Variants in COL3A1 observed in about 807,000 individuals in gnomAD.
COL3A1 encodes collagen alpha-1(III) chain.
In COL3A1, 46 loss-of-function variants were observed where a neutral mutation model predicts 200.9. The observed-to-expected ratio is 0.23, with a 90% CI of 0.18 to 0.29. The LOEUF (loss-of-function observed/expected upper bound fraction) is 0.29. Ranked by LOEUF, COL3A1 falls within the 10% of genes least tolerant of loss-of-function variation. The probability of loss-of-function intolerance (pLI) is 1.00; values close to 1 mark genes in which losing one functional copy is unlikely to be tolerated. For missense variants in COL3A1, 1,367 were observed against 1,917.6 expected (o/e 0.71, Z 5.36); for synonymous variants, 650 against 628.0 (o/e 1.03, Z -0.52).
At chr2:189,005,302 T>C (rs780328681) in intron 40 of COL3A1, 48 bp from the exon 41 acceptor site, 24 of 1,481,166 alleles carry the variant, frequency 1.6e-5, no homozygotes, top group South Asian at 5.7e-5. Context: ...ACCATTTTAA[T>C]TGATTTCTTA....
In COL3A1 at chr2:189,006,181, A is replaced by T. The variant is rs760719109; in HGVS notation, c.3040-25A>T. On this transcript the variant is annotated intron_variant, in intron 41 of 50. Transcript: ENST00000304636. ...CATTTGGAAGGTTTCAAGAAATTTT[A>T]TTTCCTTTCTCATTTTTTAATCAGG... 2.5e-6 allele frequency: 4 copies of T among 1,612,962 alleles called. No individual in the cohort carries two copies. The East Asian group carries it at 8.9e-5, about 36-fold the overall frequency.
intron 29 of COL3A1, among the ~76,000 whole-genome samples, chr2:188,998,944 C>G (rs552384238): frequency 6.6e-6 from 1 of 152,102 alleles, no homozygotes; most frequent in Non-Finnish European, 1.5e-5. Context: ...GAATCAAATA[C>G]GGGCTTAAAA....
intron 49 of COL3A1, 77 bp from the exon 50 acceptor site, chr2:189,010,571 A>G: frequency 6.3e-7 from 1 of 1,577,188 alleles, no homozygotes; most frequent in South Asian, 1.1e-5. Context: ...TACAATATGC[A>G]TACACATACT....
intron 1 of COL3A1, among the ~76,000 whole-genome samples, chr2:188,980,662 C>T (rs1473063767): frequency 6.6e-6 from 1 of 150,706 alleles, no homozygotes; most frequent in African/African-American, 2.4e-5. Flanking sequence ...AAATTATTCA[C>T]CTAGAATGTC....
At chr2:188,989,796 A>G (rs910733165) in intron 8 of COL3A1, among the ~76,000 whole-genome samples, 7 of 152,172 alleles carry the variant, frequency 4.6e-5, no homozygotes, top group African/African-American at 1.7e-4. Flanking sequence ...GAAGTTATAG[A>G]TACCTTCAAT....
chr2:189,005,264 T>C, intron 40 of COL3A1, 86 bp from the exon 41 acceptor site: 1 of 1,250,250 alleles, frequency 8.0e-7, no homozygotes, highest in South Asian at 1.2e-5. Flanking sequence ...AATAAGTTTT[T>C]TACCTGAAAA....
At chr2:189,006,323 G>T (rs765912005) in intron 42 of COL3A1, 22 bp from the exon 43 acceptor site, 2 of 1,613,946 alleles carry the variant, frequency 1.2e-6, no homozygotes, top group Non-Finnish European at 1.7e-6. Context: ...TGTTTATTTT[G>T]TACCTATGAA....
Position 188,987,101 on chromosome 2 carries a change from G to A in COL3A1, c.490G>A (p.Val164Ile), listed in dbSNP as rs1688079380. Residue 164 changes from valine (V) to isoleucine (I), a missense_variant, in exon 5 of 51, where the codon GTA becomes ATA. Physicochemically the swap from Val to Ile is conservative, Grantham distance 29. This residue lies in a region of COL3A1 where 462 missense variants were observed against 681.4 expected (regional missense o/e 0.68). Transcript: ENST00000304636. ...TGATTCATATGATGTCAAGTCTGGA[G>A]TAGCAGTAGGAGGACTCGCAGGCTA... ...QYDSYDVKSGVAVGGLAGYPG... is the reference protein window; with the variant it reads ...QYDSYDVKSGIAVGGLAGYPG... 1 of 1,613,078 alleles carries A rather than the reference G, an allele frequency of 6.2e-7. No individual in the cohort carries two copies. The highest frequency in any genetic ancestry group is 8.5e-7 in the Non-Finnish European group (1 of 1,179,278).
Position 189,011,865 on chromosome 2 carries a change from C to T in COL3A1, c.*91C>T. The stretch of plus-strand genomic sequence containing the variant: ...CTTGTCAACCAGTGCAAGTGACCGA[C>T]AAAATTCCAGTTATTTATTTCCAAA... On this transcript the variant is annotated 3_prime_UTR_variant, in exon 51 of 51. Coordinates refer to ENST00000304636, the MANE Select transcript of COL3A1 (RefSeq NM_000090.4). 1.4e-6 allele frequency: 2 copies of T among 1,395,668 alleles called. No homozygotes were observed. Among genetic ancestry groups the T allele is most frequent in the Non-Finnish European group, 1.0e-6 (1 of 990,766 alleles). 86.5% of individuals were successfully genotyped at this position (1,395,668 alleles called of 1,614,324 possible). A position where few individuals can be genotyped will look rare whatever the true frequency, so the allele number is the denominator to read the frequency against.
chr2:189,001,531 T>G lies in COL3A1; in HGVS notation c.2338-5T>G. ...AAGACAGTGACATGGCTTCTCTTTT[T>G]CCAGGGTGAAGGTGGTGCCCCCGGA... On this transcript the variant is annotated splice_region_variant and splice_polypyrimidine_tract_variant and intron_variant, in intron 33 of 50. Transcript: ENST00000304636. The G allele has an allele frequency of 6.2e-7, 1 of 1,614,158 alleles. No individual in the cohort carries two copies. The highest frequency in any genetic ancestry group is 8.5e-7 in the Non-Finnish European group (1 of 1,180,020).
rs8224 is a variant in COL3A1, at chr2:189,011,817, A to C, written c.*43A>C. 3.1e-6 allele frequency: 5 copies of C among 1,607,938 alleles called. No homozygotes were observed. Among genetic ancestry groups the C allele is most frequent in the South Asian group, 1.1e-5 (1 of 90,948 alleles). ...ATCCCAACAAAAAAAATTTAACTCC[A>C]TATGTGTTCCTCTTGTTCTAATCTT... On this transcript the variant is annotated 3_prime_UTR_variant, in exon 51 of 51. Transcript: ENST00000304636.
intron 1 of COL3A1, chr2:188,978,059 A>C (rs751498692): frequency 4.9e-6 from 2 of 409,776 alleles, no homozygotes; most frequent in African/African-American, 4.6e-5. Flanking sequence ...GTAATAACAG[A>C]GCCTTGAAAA....
At chr2:189,008,898 A>G (rs748515094) in intron 47 of COL3A1, 26 bp from the exon 48 acceptor site, 4 of 1,611,500 alleles carry the variant, frequency 2.5e-6, no homozygotes, top group Non-Finnish European at 3.4e-6. Flanking sequence ...TGCATACCTC[A>G]ATGATCCATG....
intron 8 of COL3A1, 45 bp downstream of exon 8, chr2:188,989,494 G>C: frequency 7.1e-7 from 1 of 1,414,552 alleles, no homozygotes; most frequent in Non-Finnish European, 9.9e-7. Flanking sequence ...AATTTAACTT[G>C]GTGTATTCTA....
intron 10 of COL3A1, among the ~76,000 whole-genome samples, 182 bp downstream of exon 10, chr2:188,990,542 G>A (rs954233275): frequency 8.5e-5 from 13 of 152,204 alleles, no homozygotes; most frequent in African/African-American, 2.6e-4. Flanking sequence ...AAATAAAGGA[G>A]TTGATTTCTA....
chr2:188,987,771 A>C (rs566572718), intron 5 of COL3A1, among the ~76,000 whole-genome samples: 2 of 152,186 alleles, frequency 1.3e-5, no homozygotes, highest in East Asian at 1.9e-4. Context: ...ATATAACCCT[A>C]ACATTGCAGG....
chr2:189,010,346 C>G lies in COL3A1; in HGVS notation c.3992C>G (p.Ser1331Cys). Reference protein sequence around the residue: ...AEKKHVWFGESMDGGFQFSYG... With the variant: ...AEKKHVWFGECMDGGFQFSYG... The stretch of plus-strand genomic sequence containing the variant: ...AAGAAACACGTTTGGTTTGGAGAGT[C>G]CATGGATGGTGGTTTTCAGGTAGGA... Residue 1331 changes from serine (S) to cysteine (C), a missense_variant, in exon 49 of 51, where the codon TCC (serine) becomes TGC (cysteine). Around this residue, in one of 5 missense-constraint regions of COL3A1, gnomAD observed 846 missense variants for 1,147.9 expected, o/e 0.74. Coordinates refer to ENST00000304636, the MANE Select transcript of COL3A1 (RefSeq NM_000090.4). 1 of 1,614,070 alleles carries G rather than the reference C, an allele frequency of 6.2e-7. No individual in the cohort carries two copies. Among genetic ancestry groups the G allele is most frequent in the Non-Finnish European group, 8.5e-7 (1 of 1,179,988 alleles).
rs748409931 is a variant in COL3A1 at position 188,998,344 on chromosome 2, A to G, written c.1977+25A>G. ...AGTAAGTTACGTTTCATTATTCAAAACTCAGAAACAAAAAGAATACACACT... is the reference window on the plus strand; with the variant it reads ...AGTAAGTTACGTTTCATTATTCAAAGCTCAGAAACAAAAAGAATACACACT... On this transcript the variant is annotated intron_variant, in intron 28 of 50. Transcript: ENST00000304636. 3.1e-6 allele frequency: 5 copies of G among 1,601,524 alleles called. No homozygotes were observed. The Admixed American group carries it at 6.7e-5, about 21-fold the overall frequency.
chr2:188,988,281 A>G (rs1688105249), intron 6 of COL3A1, 147 bp downstream of exon 6: 2 of 758,620 alleles, frequency 2.6e-6, no homozygotes. Flanking sequence ...GGCTTCAAAG[A>G]TGGAATTCCA....
Sources: gnomAD v4.1 joint callset for allele counts (sites outside exome capture counted in the v4.1 genomes callset) on GRCh38, gnomAD v4.1.1 for gene constraint, gnomAD v4.1.1 regional missense constraint, MANE v1.5 for transcripts, NCBI Gene and HGNC (gene_info 2026-07-23, HGNC 2026-07-21) for gene names.